ENOX1: variants seen among roughly 807,000 people sequenced by gnomAD.
The protein encoded by ENOX1 is ecto-NOX disulfide-thiol exchanger 1.
ENOX1 carries 42 observed loss-of-function variants against 82.5 expected under a neutral mutation model. The observed-to-expected ratio is 0.51, with a 90% confidence interval of 0.40 to 0.66. The LOEUF is 0.66. Among genes scored for constraint, ENOX1 ranks in the 30% least tolerant of loss-of-function variants. The probability of loss-of-function intolerance (pLI) is 0.00; values close to 1 mark genes in which losing one functional copy is unlikely to be tolerated. For missense variants in ENOX1, 608 were observed against 811.6 expected (o/e 0.75, Z 3.05); for synonymous variants, 271 against 282.2 (o/e 0.96, Z 0.40).
Position 43,775,593 on chromosome 13 carries a change from T to A in ENOX1, c.-285+11059A>T, listed in dbSNP as rs140791892. Among the ~76,000 whole-genome samples, 998 of 152,322 alleles carry A rather than the reference T, an allele frequency of 6.6e-3. 13 individuals are homozygous for A. The highest frequency in any genetic ancestry group is 0.022 in the African/African-American group (915 of 41,560). On this transcript the variant is annotated intron_variant, in intron 1 of 16. Transcript: ENST00000690772. ...CAATGCCTAAACTGCTCCTGGCATC[T>A]GAGGATGGAGTGCCCACGATTGGGT... is the stretch of plus-strand genomic sequence containing the variant.
intron 2 of ENOX1, among the ~76,000 whole-genome samples, chr13:43,643,453 A>G (rs1285876661): frequency 2.6e-5 from 4 of 152,138 alleles, no homozygotes; most frequent in African/African-American, 9.7e-5. Flanking sequence ...TATCTTCCCA[A>G]TTGTTTAGTT....
chr13:43,635,735 C>T (rs1259266951), intron 2 of ENOX1, among the ~76,000 whole-genome samples: 1 of 152,022 alleles, frequency 6.6e-6, no homozygotes, highest in African/African-American at 2.4e-5. Context: ...ATTAGACTTG[C>T]AGTTAAAGAG....
At chr13:43,512,386 T>TA (rs1245872417) in intron 2 of ENOX1, among the ~76,000 whole-genome samples, 5 of 152,036 alleles carry the variant, frequency 3.3e-5, no homozygotes, top group South Asian at 2.1e-4. Context: ...ACAAATGTAT[T>TA]AAAAAAAGCA....
intron 1 of ENOX1, among the ~76,000 whole-genome samples, chr13:43,682,362 C>T (rs768817277): frequency 1.3e-5 from 2 of 152,146 alleles, no homozygotes; most frequent in Non-Finnish European, 2.9e-5. Flanking sequence ...CTAAAACCAA[C>T]TCAGTTCCAC....
At chr13:43,326,662 C>T in intron 9 of ENOX1, 137 bp from the exon 10 acceptor site, 1 of 723,672 alleles carries the variant, frequency 1.4e-6, no homozygotes, top group Non-Finnish European at 2.4e-6. Context: ...CAATTTGTGC[C>T]TTTCGTACTT....
At chr13:43,248,923 T>C (rs1294902792) in intron 14 of ENOX1, among the ~76,000 whole-genome samples, 1 of 152,148 alleles carries the variant, frequency 6.6e-6, no homozygotes, top group Non-Finnish European at 1.5e-5. Context: ...TTATGATACA[T>C]ATATAGCCCC....
At position 43,220,835 on chromosome 13, in the gene ENOX1, A is replaced by G. The variant is rs1010942816; in HGVS notation, c.1800+3218T>C. ...AGGAGAACCCCAGAATATGCATACT[A>G]TTAAGGATCATTCAGGTGGGCAATC... On this transcript the variant is annotated intron_variant, in intron 16 of 16. Coordinates refer to ENST00000690772, the MANE Select transcript of ENOX1 (RefSeq NM_001347969.2). Among the ~76,000 whole-genome samples, 5 of 152,208 alleles carry G rather than the reference A, an allele frequency of 3.3e-5. No homozygotes were observed. In the East Asian group the frequency reaches 9.6e-4, roughly 29 times the overall value.
chr13:43,367,059 T>C (rs1159473313), intron 5 of ENOX1, among the ~76,000 whole-genome samples: 1 of 152,232 alleles, frequency 6.6e-6, no homozygotes, highest in East Asian at 1.9e-4. Context: ...GAGTGCCTAC[T>C]AGGTGTTGAG....
chr13:43,603,394 A>AT (rs2081824246), intron 2 of ENOX1, among the ~76,000 whole-genome samples: 2 of 144,900 alleles, frequency 1.4e-5, no homozygotes, highest in African/African-American at 5.2e-5. Flanking sequence ...TATTTATTTT[A>AT]TTATTATTAT....
At chr13:43,259,995 T>A (rs969677171) in intron 14 of ENOX1, among the ~76,000 whole-genome samples, 1 of 152,198 alleles carries the variant, frequency 6.6e-6, no homozygotes, top group Non-Finnish European at 1.5e-5. Context: ...TTTGCCTTGT[T>A]TGGTACATCA....
At chr13:43,653,979 T>C (rs1276585476) in intron 2 of ENOX1, among the ~76,000 whole-genome samples, 1 of 152,232 alleles carries the variant, frequency 6.6e-6, no homozygotes, top group East Asian at 1.9e-4. Flanking sequence ...CTGACTCTGC[T>C]CTTTCCACTA....
chr13:43,671,831 G>C (rs1002549838), intron 1 of ENOX1, among the ~76,000 whole-genome samples: 1 of 152,120 alleles, frequency 6.6e-6, no homozygotes, highest in African/African-American at 2.4e-5. Context: ...AGTTCCCCAA[G>C]AGCGAGATAG....
chr13:43,591,531 G>T (rs2153725533), intron 2 of ENOX1, among the ~76,000 whole-genome samples: 1 of 152,266 alleles, frequency 6.6e-6, no homozygotes. Context: ...GCAAACTGGA[G>T]AAAAGTACGT....
chr13:43,268,400 C>T (rs144789054), intron 13 of ENOX1, among the ~76,000 whole-genome samples: 192 of 152,264 alleles, frequency 1.3e-3, no homozygotes, highest in African/African-American at 4.4e-3. Flanking sequence ...GAGTCAGCCT[C>T]AGTACAAGTT....
At chr13:43,771,890 G>C (rs969747072) in intron 1 of ENOX1, among the ~76,000 whole-genome samples, 4 of 150,074 alleles carry the variant, frequency 2.7e-5, no homozygotes, top group Middle Eastern at 3.5e-3. Context: ...TCAGCCTCCC[G>C]AGTAGCTGGG....
chr13:43,274,003 CAACA>C (rs1210517069), intron 12 of ENOX1, among the ~76,000 whole-genome samples: 1 of 152,076 alleles, frequency 6.6e-6, no homozygotes, highest in Non-Finnish European at 1.5e-5. Flanking sequence ...CATGATCCAA[CAACA>C]AACAATAAAA....
At chr13:43,221,646 A>T (rs2041796408) in intron 16 of ENOX1, among the ~76,000 whole-genome samples, 1 of 152,244 alleles carries the variant, frequency 6.6e-6, no homozygotes, top group Admixed American at 6.5e-5. Context: ...AAATATGCAA[A>T]TATCAACAGC....
intron 2 of ENOX1, among the ~76,000 whole-genome samples, chr13:43,517,424 GC>G (rs2153680494): frequency 6.6e-6 from 1 of 152,264 alleles, no homozygotes; most frequent in African/African-American, 2.4e-5. Context: ...CTTGAACCTA[GC>G]AGTTGGAGGT....
In ENOX1 at chr13:43,463,999, C is replaced by T. The variant is rs531530748; in HGVS notation, c.-75+20010G>A. On this transcript the variant is annotated intron_variant, in intron 3 of 16. Transcript: ENST00000690772. ...AAGGAGGTTGTGGACTATTTGCAGGCAAGAGGCATGCTTACAGGCACACAC... is the reference window on the plus strand; with the variant it reads ...AAGGAGGTTGTGGACTATTTGCAGGTAAGAGGCATGCTTACAGGCACACAC... Among the ~76,000 whole-genome samples the T allele has an allele frequency of 1.0e-3, 154 of 152,242 alleles. 1 individual carries two copies. Among genetic ancestry groups the T allele is most frequent in the African/African-American group, 3.6e-3 (151 of 41,534 alleles).
Sources: allele counts gnomAD v4.1 joint callset (sites outside exome capture counted in the v4.1 genomes callset), GRCh38; gene constraint gnomAD v4.1.1; transcripts MANE v1.5; gene names NCBI Gene and HGNC (gene_info 2026-07-23, HGNC 2026-07-21).